Variants in ANO8 observed in about 807,000 individuals in gnomAD.
ANO8 encodes the protein anoctamin 8, also known as anoctamin-8.
Under a neutral mutation model 120.4 loss-of-function variants are expected in ANO8, and 67 were observed. That is an observed-to-expected ratio of 0.56 (90% CI 0.46 to 0.68). The LOEUF (loss-of-function observed/expected upper bound fraction) is 0.68. ANO8 is among the 30% of genes least tolerant of loss of function. The probability of loss-of-function intolerance (pLI) is 0.00; values close to 1 mark genes in which losing one functional copy is unlikely to be tolerated. For missense variants in ANO8, 1,526 were observed against 1,737.6 expected, an observed-to-expected ratio of 0.88 and a Z score of 2.16; for synonymous variants, 727 against 759.2, an observed-to-expected ratio of 0.96 and a Z score of 0.70.
At chr19:17,329,727 G>A (rs1482805965) in intron 12 of ANO8, 30 bp downstream of exon 12, 1 of 1,594,144 alleles carries the variant, frequency 6.3e-7, no homozygotes, top group Non-Finnish European at 8.6e-7. Flanking sequence ...ATGGGGGCAG[G>A]GGGGACTGCC....
In ANO8 at chr19:17,332,976, C is replaced by G. The variant is rs773495481; in HGVS notation, c.540G>C (p.Gln180His). ...RFWLQNLRAKQGEALHNVRFL... is the reference protein window; with the variant it reads ...RFWLQNLRAKHGEALHNVRFL... ...AGCGCACGTTGTGGAGTGCTTCTCC[C>G]TGCTTGGCACGCAAATTCTGCAGCC... Residue 180 changes from glutamine to histidine, a missense_variant, in exon 5 of 18, where the codon CAG becomes CAC. By Grantham distance (24) the Gln-to-His change is conservative (BLOSUM62 0). Transcript: ENST00000159087. 6.2e-7 allele frequency: 1 copy of G among 1,614,178 alleles called. No individual in the cohort carries two copies. The highest frequency in any genetic ancestry group is 1.1e-5 in the South Asian group (1 of 91,076).
intron 12 of ANO8, 82 bp downstream of exon 12, chr19:17,329,675 C>T (rs994009129): frequency 5.5e-6 from 6 of 1,082,902 alleles, no homozygotes; most frequent in Non-Finnish European, 8.3e-6. Flanking sequence ...GCTGGAGAGC[C>T]CTTGGACCCC....
rs58263758 is a variant in ANO8, at chr19:17,323,311, CTGTG to C, written c.*202_*205del. 854 of 326,588 alleles carry C rather than the reference CTGTG, an allele frequency of 2.6e-3. No homozygotes were observed. The highest frequency in any genetic ancestry group is 8.6e-3 in the East Asian group (194 of 22,588). The allele number at this position is 326,588 out of a possible 1,614,324, so 20.2% of individuals were successfully genotyped here. ...AAAAACAAATAAATAATCGCCTGTTCTGTGTGTGTGTGTGTGTGTGTGTGTGTGT... is the reference window on the plus strand; with the variant it reads ...AAAAACAAATAAATAATCGCCTGTTCTGTGTGTGTGTGTGTGTGTGTGTGT... On this transcript the variant is annotated 3_prime_UTR_variant, in exon 18 of 18. Coordinates refer to ENST00000159087, the MANE Select transcript of ANO8 (RefSeq NM_020959.3).
intron 5 of ANO8, 76 bp downstream of exon 5, chr19:17,332,854 C>T (rs2074328840): frequency 6.4e-7 from 1 of 1,553,558 alleles, no homozygotes; most frequent in Non-Finnish European, 8.8e-7. Flanking sequence ...CCCCGCCCTC[C>T]TGCTCCTATA....
In ANO8 at chr19:17,331,225, G is replaced by A. The variant is rs202187973; in HGVS notation, c.704-10C>T. 6.7e-4 allele frequency: 1,083 copies of A among 1,614,166 alleles called. 1 individual carries two copies. Among genetic ancestry groups the A allele is most frequent in the Non-Finnish European group, 8.2e-4 (967 of 1,180,036 alleles). On this transcript the variant is annotated splice_polypyrimidine_tract_variant and intron_variant, in intron 6 of 17. Transcript: ENST00000159087. The stretch of plus-strand genomic sequence containing the variant: ...TAATCACAGATGTCATCTGCCAGGG[G>A]ACAAGTGGGTCTCAGTCACCCCCTG...
chr19:17,323,469 G>T lies in ANO8; in HGVS notation c.*48C>A. ...TGCATTTTGGAGACCGGCCGCCCCT[G>T]TGAATGACTGATATTGCATATGAGA... On this transcript the variant is annotated 3_prime_UTR_variant, in exon 18 of 18. Coordinates refer to ENST00000159087, the MANE Select transcript of ANO8 (RefSeq NM_020959.3). 1 of 1,286,318 alleles carries T rather than the reference G, an allele frequency of 7.8e-7. No individual in the cohort carries two copies. Among genetic ancestry groups the T allele is most frequent in the Admixed American group, 3.1e-5 (1 of 32,436 alleles). 79.7% of individuals were successfully genotyped at this position (1,286,318 alleles called of 1,614,324 possible).
chr19:17,332,317 C>T (rs2074325478), intron 5 of ANO8, among the ~76,000 whole-genome samples: 1 of 152,110 alleles, frequency 6.6e-6, no homozygotes, highest in African/African-American at 2.4e-5. Flanking sequence ...GTGGCGCTAC[C>T]ATGGCTCACT....
chr19:17,330,080 G>A (rs762504816), intron 10 of ANO8, 45 bp downstream of exon 10: 1 of 1,613,900 alleles, frequency 6.2e-7, no homozygotes, highest in South Asian at 1.1e-5. Flanking sequence ...GGATCCCAAG[G>A]GGCAGTGGAG....
At position 17,327,686 on chromosome 19, in the gene ANO8, C is replaced by G. The variant is rs750210667; in HGVS notation, c.2418+3G>C. 2 of 1,611,888 alleles carry G rather than the reference C, an allele frequency of 1.2e-6. No homozygotes were observed. The highest frequency in any genetic ancestry group is 3.3e-5 in the Admixed American group (2 of 59,888). ...CAGCTCGGATCTCTTGGCTTCCCCCCACCTGCCACTGGCCGATGCTTTCCA... is the reference window on the plus strand; with the variant it reads ...CAGCTCGGATCTCTTGGCTTCCCCCGACCTGCCACTGGCCGATGCTTTCCA... On this transcript the variant is annotated splice_donor_region_variant and intron_variant, in intron 14 of 17. Coordinates refer to ENST00000159087, the MANE Select transcript of ANO8 (RefSeq NM_020959.3).
chr19:17,332,547 G>C (rs1882718908), intron 5 of ANO8, among the ~76,000 whole-genome samples: 1 of 152,150 alleles, frequency 6.6e-6, no homozygotes, highest in African/African-American at 2.4e-5. Context: ...GTGGAGTGCT[G>C]TCCATGGTTC....
At chr19:17,329,684 C>A in intron 12 of ANO8, 73 bp downstream of exon 12, 1 of 1,222,842 alleles carries the variant, frequency 8.2e-7, no homozygotes. Flanking sequence ...CCCTTGGACC[C>A]CTTGTGCCGG....
chr19:17,324,369 C>A (rs1010005649), intron 17 of ANO8, among the ~76,000 whole-genome samples: 1 of 152,026 alleles, frequency 6.6e-6, no homozygotes, highest in Non-Finnish European at 1.5e-5. Flanking sequence ...TCAAGTCCCC[C>A]CCAAGAGTGA....
Position 17,328,420 on chromosome 19 carries a change from C to T in ANO8, c.1968G>A (p.Leu656=), listed in dbSNP as rs1339578107. 6.3e-7 allele frequency: 1 copy of T among 1,576,570 alleles called. No individual in the cohort carries two copies. Among genetic ancestry groups the T allele is most frequent in the Non-Finnish European group, 8.6e-7 (1 of 1,167,054 alleles). Residue 656 remains leucine, a synonymous_variant, in exon 13 of 18, where the codon CTG becomes CTA. Transcript: ENST00000159087. ...EKGLEPGVFT[L]AEEDDEAEGA... is the part of the protein sequence containing the mutation. Reference sequence around the variant, plus strand: ...CCTCCGCCTCGTCGTCCTCCTCGGCCAGGGTGAACACTCCCGGCTCCAGCC... The same window carrying T: ...CCTCCGCCTCGTCGTCCTCCTCGGCTAGGGTGAACACTCCCGGCTCCAGCC...
Position 17,328,608 on chromosome 19 carries a change from C to T in ANO8, c.1780G>A (p.Glu594Lys), listed in dbSNP as rs1282609579. 17 of 1,542,726 alleles carry T rather than the reference C, an allele frequency of 1.1e-5. No homozygotes were observed. The highest frequency in any genetic ancestry group is 1.4e-5 in the Non-Finnish European group (16 of 1,143,850). The change falls in exon 13 of 18, where the codon GAG (glutamate) becomes AAG (lysine). Residue 594 changes from glutamate (E) to lysine (K), a missense_variant. This residue lies in a region of ANO8 where 467 missense variants were observed against 425.8 expected (regional missense o/e 1.10). Coordinates refer to ENST00000159087, the MANE Select transcript of ANO8 (RefSeq NM_020959.3). The part of the protein sequence containing the change: ...DEDDEEEEDE[E>K]EEEDEEEGEE... ...CCCTCCTCCTCGTCCTCCTCTTCCT[C>T]CTCGTCCTCCTCCTCCTCGTCGTCC...
In ANO8 at chr19:17,331,220, C is replaced by T. The variant is rs971962450; in HGVS notation, c.704-5G>A. Reference sequence around the variant, plus strand: ...CAAAGTAATCACAGATGTCATCTGCCAGGGGACAAGTGGGTCTCAGTCACC... The same window carrying T: ...CAAAGTAATCACAGATGTCATCTGCTAGGGGACAAGTGGGTCTCAGTCACC... On this transcript the variant is annotated splice_polypyrimidine_tract_variant and splice_region_variant and intron_variant, in intron 6 of 17. Transcript: ENST00000159087. The T allele has an allele frequency of 4.3e-6, 7 of 1,614,062 alleles. No individual in the cohort carries two copies. The Admixed American group carries it at 6.7e-5, about 15-fold the overall frequency.
Position 17,333,684 on chromosome 19 carries a change from G to C in ANO8, c.217+6C>G, listed in dbSNP as rs769919766. 1 of 1,579,250 alleles carries C rather than the reference G, an allele frequency of 6.3e-7. No individual in the cohort carries two copies. The highest frequency in any genetic ancestry group is 8.6e-7 in the Non-Finnish European group (1 of 1,164,790). On this transcript the variant is annotated splice_donor_region_variant and intron_variant, in intron 2 of 17. Transcript: ENST00000159087. This position sits in a 1 kb window ranked among gnomAD's most constrained non-coding sequence, Gnocchi z 7.2. ...ACTGGGCGGGCGGGCGGGCGGGCTT[G>C]GGTACCTGGGAAGGTCATCAGCACG...
rs1392034419 is a variant in ANO8, at chr19:17,328,456, C to T, written c.1932G>A (p.Met644Ile). 6.3e-7 allele frequency: 1 copy of T among 1,576,438 alleles called. No individual in the cohort carries two copies. Among genetic ancestry groups the T allele is most frequent in the Non-Finnish European group, 8.6e-7 (1 of 1,166,406 alleles). Reference protein sequence around the residue: ...EALLEEGSPTMVEKGLEPGVF... With the variant: ...EALLEEGSPTIVEKGLEPGVF... ...CTCCCGGCTCCAGCCCCTTCTCCAC[C>T]ATAGTGGGGCTCCCTTCCTCCAGGA... Residue 644 changes from methionine (M) to isoleucine (I), a missense_variant, in exon 13 of 18, where the codon ATG becomes ATA. Around this residue, in one of 8 missense-constraint regions of ANO8, gnomAD observed 467 missense variants for 425.8 expected, o/e 1.10. Transcript: ENST00000159087.
rs1394269614 is a variant in ANO8, at chr19:17,331,124, G to A, written c.795C>T (p.Phe265=). 1.4e-5 allele frequency: 22 copies of A among 1,614,108 alleles called. No individual in the cohort carries two copies. Among genetic ancestry groups the A allele is most frequent in the Non-Finnish European group, 1.8e-5 (21 of 1,180,046 alleles). Residue 265 remains phenylalanine, a synonymous_variant, in exon 7 of 18, where the codon TTC becomes TTT. Transcript: ENST00000159087. ...CTGTGAATGTGTACAGGACAGACCC[G>A]AAGACAGCTGGGTATACCATAGCCG... ...YTSAMVYPAV[F]GSVLYTFTEA...
rs760116254 is a variant in ANO8 at position 17,328,423 on chromosome 19, G to A, written c.1965C>T (p.Thr655=). The change falls in exon 13 of 18, where the codon ACC becomes ACT. Residue 655 remains threonine (T), a synonymous_variant. Coordinates refer to ENST00000159087, the MANE Select transcript of ANO8 (RefSeq NM_020959.3). The part of the protein sequence containing the change: ...VEKGLEPGVF[T]LAEEDDEAEG... ...CCGCCTCGTCGTCCTCCTCGGCCAGGGTGAACACTCCCGGCTCCAGCCCCT... is the reference window on the plus strand; with the variant it reads ...CCGCCTCGTCGTCCTCCTCGGCCAGAGTGAACACTCCCGGCTCCAGCCCCT... The A allele has an allele frequency of 1.0e-4, 159 of 1,576,574 alleles. 1 individual carries two copies. The Middle Eastern group carries it at 1.8e-3, about 18-fold the overall frequency.
Sources: gnomAD v4.1 joint callset for allele counts (sites outside exome capture counted in the v4.1 genomes callset) on GRCh38, gnomAD v4.1.1 for gene constraint, gnomAD v4.1.1 regional missense constraint, Gnocchi (gnomAD v3.1) non-coding constraint, MANE v1.5 for transcripts, NCBI Gene and HGNC (gene_info 2026-07-23, HGNC 2026-07-21) for gene names.